The following PCDHA1 variants were observed in gnomAD, a reference collection of about 807,000 sequenced individuals.
PCDHA1 encodes protocadherin alpha-1.
PCDHA1 carries 42 observed loss-of-function variants against 61.3 expected under a neutral mutation model. The ratio of observed to expected loss-of-function variants is 0.69; its 90% CI spans 0.54 to 0.89. The LOEUF is 0.89. PCDHA1 is among the 40% of genes least tolerant of loss of function. The pLI, the probability that PCDHA1 is intolerant of heterozygous loss-of-function variation, is 0.00. For synonymous variants in PCDHA1, 610 were observed against 553.8 expected (o/e 1.10, Z -1.43); for missense variants, 1,256 against 1,235.3 (o/e 1.02, Z -0.25).
chr5:140,978,836 A>G (rs891146888), intron 1 of PCDHA1, 113 bp from the exon 2 acceptor site: 1 of 1,552,522 alleles, frequency 6.4e-7, no homozygotes, highest in Non-Finnish European at 8.7e-7. Context: ...GGCTCATTCA[A>G]TACTTTTTTA....
intron 1 of PCDHA1, chr5:140,813,324 A>G (rs2126645651): frequency 6.6e-6 from 1 of 152,344 alleles, no homozygotes; most frequent in African/African-American, 2.4e-5. Flanking sequence ...ATGAGAGTGT[A>G]CTTACATATT....
chr5:140,980,294 A>G (rs1325974235), intron 2 of PCDHA1, among the ~76,000 whole-genome samples: 1 of 152,234 alleles, frequency 6.6e-6, no homozygotes, highest in Non-Finnish European at 1.5e-5. Context: ...TACCAAAGCT[A>G]TGAGTTGTGC....
intron 1 of PCDHA1, among the ~76,000 whole-genome samples, chr5:140,941,191 T>TTTCTTTCTTCCTTTCTTCCTTTC (rs1487503403): frequency 1.1e-5 from 1 of 93,258 alleles, no homozygotes; most frequent in African/African-American, 3.9e-5. Flanking sequence ...GCTTCTTTTT[T>TTTCTTTCTTCCTTTCTTCCTTTC]TTTCTTTCTT....
chr5:140,836,406 G>A (rs2150259956), intron 1 of PCDHA1: 4 of 1,613,782 alleles, frequency 2.5e-6, no homozygotes, highest in Middle Eastern at 1.6e-4. Context: ...AAGCGGCCAG[G>A]CACCAAAGGC....
chr5:140,849,687 G>T, intron 1 of PCDHA1: 1 of 1,598,686 alleles, frequency 6.3e-7, no homozygotes. Context: ...CTTCAAGCTG[G>T]TGTCCACCTA....
In PCDHA1 at chr5:140,858,203, C is replaced by T. The variant is rs781959847; in HGVS notation, c.2394+69519C>T. On this transcript the variant is annotated intron_variant, in intron 1 of 3. Coordinates refer to ENST00000504120, the MANE Select transcript of PCDHA1 (RefSeq NM_018900.4). The stretch of plus-strand genomic sequence containing the variant: ...GCTCACGCTGCTGCTGTACACTGCA[C>T]TGAGGTGCTCGGCGGCGCCCACCGA... The T allele has an allele frequency of 3.7e-5, 59 of 1,595,952 alleles. 8 individuals are homozygous for T. Among genetic ancestry groups the T allele is most frequent in the Non-Finnish European group, 4.8e-5 (56 of 1,166,554 alleles).
intron 1 of PCDHA1, chr5:140,928,354 A>G: frequency 6.2e-7 from 1 of 1,614,150 alleles, no homozygotes; most frequent in Non-Finnish European, 8.5e-7. Flanking sequence ...GTTGGATGTT[A>G]TCTCTGAAGG....
intron 1 of PCDHA1, chr5:140,834,420 C>T: frequency 6.2e-7 from 1 of 1,612,394 alleles, no homozygotes; most frequent in East Asian, 2.2e-5. Context: ...AGGGGGCCGA[C>T]ATCTACTGCT....
chr5:140,822,597 G>A (rs1554128735), intron 1 of PCDHA1: 2 of 1,609,136 alleles, frequency 1.2e-6, no homozygotes, highest in Non-Finnish European at 1.7e-6. Flanking sequence ...GCATCAATAA[G>A]GAAATAGTGT....
chr5:140,842,218 G>A, intron 1 of PCDHA1: 1 of 1,613,154 alleles, frequency 6.2e-7, no homozygotes, highest in Non-Finnish European at 8.5e-7. Context: ...ATCGAAATAC[G>A]GGAGAAATAG....
chr5:140,882,628 G>A (rs1554174947), intron 1 of PCDHA1: 9 of 1,614,252 alleles, frequency 5.6e-6, no homozygotes, highest in Non-Finnish European at 7.6e-6. Flanking sequence ...TCCATGTGGA[G>A]GTGAAGGTGA....
chr5:140,870,766 C>G, intron 1 of PCDHA1: 3 of 1,613,562 alleles, frequency 1.9e-6, no homozygotes, highest in South Asian at 1.1e-5. Context: ...GGTGTTCGTG[C>G]TGGACGAGAA....
intron 1 of PCDHA1, among the ~76,000 whole-genome samples, chr5:140,923,301 G>C (rs1554201374): frequency 6.6e-6 from 1 of 152,206 alleles, no homozygotes; most frequent in African/African-American, 2.4e-5. Context: ...AGCTGGGCGT[G>C]GGGGCGCTTG....
In PCDHA1 at chr5:140,797,014, G is replaced by A. The variant is rs1307311865; in HGVS notation, c.2394+8330G>A. On this transcript the variant is annotated intron_variant, in intron 1 of 3. Coordinates refer to ENST00000504120, the MANE Select transcript of PCDHA1 (RefSeq NM_018900.4). ...ACCCAAGGCCTCGTCGCGGGCGTGG[G>A]TGGGCGCCGCGGGCTCAGAGGCTAC... The A allele has an allele frequency of 2.5e-6, 4 of 1,613,654 alleles. No homozygotes were observed. In the African/African-American group the frequency reaches 4.0e-5, roughly 16 times the overall value.
intron 1 of PCDHA1, among the ~76,000 whole-genome samples, chr5:140,974,152 G>A (rs183558718): frequency 4.2e-4 from 64 of 152,284 alleles, no homozygotes; most frequent in Admixed American, 2.4e-3. Flanking sequence ...CTATACAAGG[G>A]TTTTTCTTTC....
intron 1 of PCDHA1, among the ~76,000 whole-genome samples, chr5:140,919,430 T>C (rs935963449): frequency 1.3e-5 from 2 of 152,196 alleles, no homozygotes; most frequent in Non-Finnish European, 2.9e-5. Flanking sequence ...TGCCTTTTGA[T>C]TGGGTTCTTT....
At chr5:140,897,367 T>G (rs1554187348) in intron 1 of PCDHA1, among the ~76,000 whole-genome samples, 1 of 125,642 alleles carries the variant, frequency 8.0e-6, no homozygotes, top group South Asian at 2.5e-4. Flanking sequence ...CAGAGTGTGA[T>G]GTTCCCTTCC....
At chr5:140,883,384 CAG>C (rs1554177987) in intron 1 of PCDHA1, 2 of 1,614,072 alleles carry the variant, frequency 1.2e-6, no homozygotes, top group African/African-American at 2.7e-5. Context: ...TTGCCCTAAT[CAG>C]TGTGTCCGAT....
At chr5:140,902,442 T>G (rs1182491503) in intron 1 of PCDHA1, among the ~76,000 whole-genome samples, 1 of 152,166 alleles carries the variant, frequency 6.6e-6, no homozygotes, top group Non-Finnish European at 1.5e-5. Flanking sequence ...CCTTGTCATA[T>G]TCTAGATCCT....
Sources: allele counts gnomAD v4.1 joint callset (sites outside exome capture counted in the v4.1 genomes callset), GRCh38; gene constraint gnomAD v4.1.1; transcripts MANE v1.5; gene names NCBI Gene and HGNC (gene_info 2026-07-23, HGNC 2026-07-21).